The following SH3BGRL2 variants were observed in gnomAD, a reference collection of about 807,000 sequenced individuals.
SH3BGRL2 encodes the protein SH3 domain binding glutamate rich protein like 2.
Under a neutral mutation model 14.8 loss-of-function variants are expected in SH3BGRL2, and 21 were observed. That is an observed-to-expected ratio of 1.42 (90% CI 1.01 to 2.05). SH3BGRL2 has a LOEUF of 2.05. Among genes scored for constraint, SH3BGRL2 ranks in the 30% most tolerant of loss-of-function variants. The pLI, the probability that SH3BGRL2 is intolerant of heterozygous loss-of-function variation, is 0.00. For missense variants in SH3BGRL2, 147 were observed against 130.8 expected (o/e 1.12, Z -0.61); for synonymous variants, 50 against 47.8 (o/e 1.05, Z -0.19).
chr6:79,658,123 C>T (rs905489375), intron 1 of SH3BGRL2, among the ~76,000 whole-genome samples: 1 of 152,114 alleles, frequency 6.6e-6, no homozygotes, highest in African/African-American at 2.4e-5. Context: ...AGTTAAGGAA[C>T]TAAATGAAGT....
At chr6:79,571,150 G>C in the SH3BGRL2 span, among the ~76,000 whole-genome samples, 1 of 152,190 alleles carries the variant, frequency 6.6e-6, no homozygotes, top group African/African-American at 2.4e-5. Flanking sequence ...GAATGAAAGC[G>C]CATTAATGCT....
chr6:79,648,342 T>TAA (rs1379972044), intron 1 of SH3BGRL2, among the ~76,000 whole-genome samples: 1 of 142,616 alleles, frequency 7.0e-6, no homozygotes, highest in Non-Finnish European at 1.5e-5. Context: ...ATTATATATA[T>TAA]AATATATATA....
chr6:79,578,740 TCTC>T, the SH3BGRL2 span, among the ~76,000 whole-genome samples: 7 of 151,976 alleles, frequency 4.6e-5, no homozygotes, highest in Non-Finnish European at 7.4e-5. Flanking sequence ...GAGTGCCTCT[TCTC>T]CCACAAAGGA....
At chr6:79,669,626 G>A (rs960350599) in intron 1 of SH3BGRL2, among the ~76,000 whole-genome samples, 4 of 151,894 alleles carry the variant, frequency 2.6e-5, no homozygotes, top group Admixed American at 6.6e-5. Context: ...TGTATTTTTA[G>A]TAGAGATAGG....
chr6:79,699,699 GT>G lies in SH3BGRL2; in HGVS notation c.*191del, dbSNP rs2127740875. The G allele has an allele frequency of 2.6e-6, 2 of 757,788 alleles. No individual in the cohort carries two copies. Among genetic ancestry groups the G allele is most frequent in the East Asian group, 5.9e-5 (2 of 33,956 alleles). The allele number at this position is 757,788 out of a possible 1,614,324, so 46.9% of individuals were successfully genotyped here. A position where few individuals can be genotyped will look rare whatever the true frequency, so the allele number is the denominator to read the frequency against. ...GCATGATTGCTTTAAACCAAATCAG[GT>G]GGTGGATTTTTTTTTTCTTATTCTA... is the stretch of plus-strand genomic sequence containing the variant. On this transcript the variant is annotated 3_prime_UTR_variant, in exon 4 of 4. Coordinates refer to ENST00000369838, the MANE Select transcript of SH3BGRL2 (RefSeq NM_031469.4).
chr6:79,602,585 A>G, the SH3BGRL2 span, among the ~76,000 whole-genome samples: 2 of 152,222 alleles, frequency 1.3e-5, no homozygotes, highest in Non-Finnish European at 2.9e-5. Context: ...GATAGAGTCA[A>G]GGAAGGCACT....
chr6:79,599,367 C>T, the SH3BGRL2 span, among the ~76,000 whole-genome samples: 1 of 128,232 alleles, frequency 7.8e-6, no homozygotes, highest in Non-Finnish European at 1.6e-5. Context: ...ATATTTATAA[C>T]AGATCTTTTT....
the SH3BGRL2 span, among the ~76,000 whole-genome samples, chr6:79,623,638 G>A: frequency 1.1e-4 from 16 of 152,284 alleles, no homozygotes; most frequent in Middle Eastern, 3.4e-3. Flanking sequence ...GAAGTGGTAA[G>A]CTAATGTTAA....
intron 1 of SH3BGRL2, among the ~76,000 whole-genome samples, chr6:79,662,315 T>G (rs1769567714): frequency 1.3e-5 from 2 of 152,202 alleles, no homozygotes; most frequent in Admixed American, 6.5e-5. Flanking sequence ...AGTGCTTCCT[T>G]TAGGAGCTCT....
the SH3BGRL2 span, among the ~76,000 whole-genome samples, chr6:79,581,474 G>C: frequency 3.3e-5 from 5 of 152,062 alleles, no homozygotes; most frequent in Non-Finnish European, 7.4e-5. Flanking sequence ...GGGATGCAAG[G>C]CTGGTTCAAC....
intron 2 of SH3BGRL2, among the ~76,000 whole-genome samples, chr6:79,689,395 TA>T (rs1310354446): frequency 6.6e-6 from 1 of 152,080 alleles, no homozygotes; most frequent in Non-Finnish European, 1.5e-5. Flanking sequence ...TTTCTAAAAG[TA>T]AAAAATGTTG....
rs1160012777 is a variant in SH3BGRL2, at chr6:79,703,487, A to G, written c.*3978A>G. The G allele has an allele frequency of 6.6e-6, 1 of 152,098 alleles. No individual in the cohort carries two copies. The highest frequency in any genetic ancestry group is 1.5e-5 in the Non-Finnish European group (1 of 68,026). The allele number at this position is 152,098 out of a possible 1,614,324, so 9.4% of individuals were successfully genotyped here. On this transcript the variant is annotated 3_prime_UTR_variant, in exon 4 of 4. Transcript: ENST00000369838. ...CCCCTGTGTGCCTACCACCCACCTT[A>G]TTGCCTTTCCTTTGAGGTACCGTGT...
chr6:79,607,816 G>A, the SH3BGRL2 span, among the ~76,000 whole-genome samples: 1 of 152,052 alleles, frequency 6.6e-6, no homozygotes, highest in Non-Finnish European at 1.5e-5. Flanking sequence ...GTGGTGGCAG[G>A]CATCTGTAAT....
chr6:79,615,262 T>C, the SH3BGRL2 span, among the ~76,000 whole-genome samples: 10 of 152,338 alleles, frequency 6.6e-5, no homozygotes, highest in South Asian at 2.1e-3. Flanking sequence ...GGAGATTCTG[T>C]TTCAGCCAGT....
chr6:79,648,975 G>A (rs1322767942), intron 1 of SH3BGRL2, among the ~76,000 whole-genome samples: 1 of 152,138 alleles, frequency 6.6e-6, no homozygotes, highest in Non-Finnish European at 1.5e-5. Context: ...CAGGAGACCT[G>A]GAAGGAAGCA....
chr6:79,628,910 G>A (rs1431574695), upstream of SH3BGRL2, among the ~76,000 whole-genome samples: 1 of 152,140 alleles, frequency 6.6e-6, no homozygotes, highest in Admixed American at 6.6e-5. Context: ...GGAACTTACA[G>A]ATATAGGGAT....
At chr6:79,622,371 C>A in the SH3BGRL2 span, among the ~76,000 whole-genome samples, 1 of 152,186 alleles carries the variant, frequency 6.6e-6, no homozygotes, top group Non-Finnish European at 1.5e-5. Context: ...AAAATAGGCA[C>A]TGATGAGATT....
chr6:79,661,678 G>C (rs539920564), intron 1 of SH3BGRL2, among the ~76,000 whole-genome samples: 1 of 152,140 alleles, frequency 6.6e-6, no homozygotes, highest in Non-Finnish European at 1.5e-5. Context: ...TCAAGTCCTG[G>C]ATATCCTTGT....
chr6:79,553,773 A>AC, the SH3BGRL2 span, among the ~76,000 whole-genome samples: 1 of 152,098 alleles, frequency 6.6e-6, no homozygotes, highest in African/African-American at 2.4e-5. Flanking sequence ...GTAGTTCAAA[A>AC]CCAGCCTGGC....
Sources: gnomAD v4.1 joint callset for allele counts (sites outside exome capture counted in the v4.1 genomes callset) on GRCh38, gnomAD v4.1.1 for gene constraint, MANE v1.5 for transcripts, NCBI Gene and HGNC (gene_info 2026-07-23, HGNC 2026-07-21) for gene names.